Variants in CACNA1S observed in about 807,000 individuals in gnomAD.
CACNA1S encodes the protein voltage-dependent L-type calcium channel subunit alpha-1S.
CACNA1S carries 126 observed loss-of-function variants against 207.4 expected under a neutral mutation model. The ratio of observed to expected loss-of-function variants is 0.61; its 90% CI spans 0.53 to 0.70. The LOEUF (loss-of-function observed/expected upper bound fraction) is 0.70, where lower values mean the gene tolerates loss of function less well. Among genes scored for constraint, CACNA1S ranks in the 30% least tolerant of loss-of-function variants. The pLI is 0.00. For synonymous variants in CACNA1S, 960 were observed against 932.7 expected, an observed-to-expected ratio of 1.03 and a Z score of -0.53; for missense variants, 2,349 against 2,422.8, an observed-to-expected ratio of 0.97 and a Z score of 0.64.
At chr1:201,087,142 A>G (rs1466252664) in intron 7 of CACNA1S, among the ~76,000 whole-genome samples, 1 of 152,198 alleles carries the variant, frequency 6.6e-6, no homozygotes, top group African/African-American at 2.4e-5. Context: ...AACAGCTCTC[A>G]TTAATAATGA....
chr1:201,053,217 C>T lies in CACNA1S; in HGVS notation c.3853G>A (p.Gly1285Ser), dbSNP rs768535906. The T allele has an allele frequency of 9.9e-6, 16 of 1,614,238 alleles. No individual in the cohort carries two copies. Among genetic ancestry groups the T allele is most frequent in the South Asian group, 7.7e-5 (7 of 91,088 alleles). Residue 1285 changes from glycine (G) to serine (S), a missense_variant, in exon 31 of 44, where the codon GGC (glycine) becomes AGC (serine). Transcript: ENST00000362061. This position sits in a 1 kb window ranked among gnomAD's most constrained non-coding sequence, Gnocchi z 5.1. Reference protein sequence around the residue: ...VMLFFIYAVIGMQMFGKIALV... With the variant: ...VMLFFIYAVISMQMFGKIALV... ...GCCCGCCTGCCTCTCACCTGCATGC[C>T]GATGACAGCGTAGATGAAGAAGAGC...
intron 27 of CACNA1S, among the ~76,000 whole-genome samples, chr1:201,058,934 AGAGCAGGCGAGAAT>A (rs1660946082): frequency 6.6e-6 from 1 of 152,226 alleles, no homozygotes; most frequent in South Asian, 2.1e-4. Context: ...CAGAAACTTC[AGAGCAGGCGAGAAT>A]GTAAGAGAAG....
intron 28 of CACNA1S, among the ~76,000 whole-genome samples, chr1:201,055,755 G>T (rs913965013): frequency 6.6e-6 from 1 of 152,042 alleles, no homozygotes; most frequent in Non-Finnish European, 1.5e-5. Flanking sequence ...CAATCTTCAC[G>T]TGACTTTAAG....
At chr1:201,106,220 C>T (rs1349410562) in intron 2 of CACNA1S, among the ~76,000 whole-genome samples, 1 of 151,940 alleles carries the variant, frequency 6.6e-6, no homozygotes, top group Non-Finnish European at 1.5e-5. Context: ...TTCTTAAGGC[C>T]ACCTCACAGC....
At chr1:201,099,533 G>A (rs907316905) in intron 2 of CACNA1S, among the ~76,000 whole-genome samples, 7 of 152,230 alleles carry the variant, frequency 4.6e-5, no homozygotes, top group Non-Finnish European at 7.3e-5. Context: ...GGGACAGGGA[G>A]GCAATGGACT....
rs776790942 is a variant in CACNA1S, at chr1:201,087,901, G to C, written c.929C>G (p.Pro310Arg). Residue 310 changes from proline (P) to arginine (R), a missense_variant, in exon 7 of 44, where the codon CCC becomes CGC. Pro to Arg is a moderately radical substitution (Grantham distance 103, BLOSUM62 -2). Transcript: ENST00000362061. ...WVNDAIGNEW[P>R]WIYFVTLILL... Reference sequence around the variant, plus strand: ...AATGAGGGTGACAAAATAGATCCAGGGCCACTCATTCCCGATGGCATCATT... The same window carrying C: ...AATGAGGGTGACAAAATAGATCCAGCGCCACTCATTCCCGATGGCATCATT... The C allele has an allele frequency of 1.9e-6, 3 of 1,613,426 alleles. No homozygotes were observed. The highest frequency in any genetic ancestry group is 1.3e-5 in the African/African-American group (1 of 74,882).
At chr1:201,071,730 G>A (rs917175132) in intron 16 of CACNA1S, among the ~76,000 whole-genome samples, 1 of 152,120 alleles carries the variant, frequency 6.6e-6, no homozygotes, top group African/African-American at 2.4e-5. Flanking sequence ...CATCTAAGAG[G>A]TGATAACTGT....
At chr1:201,101,978 A>G (rs563864832) in intron 2 of CACNA1S, among the ~76,000 whole-genome samples, 149 of 152,218 alleles carry the variant, frequency 9.8e-4, no homozygotes, top group Admixed American at 3.2e-3. Context: ...CTCTGCCCCA[A>G]AGGGGCTTTC....
chr1:201,111,066 C>T (rs773030010), intron 1 of CACNA1S, among the ~76,000 whole-genome samples: 6 of 143,270 alleles, frequency 4.2e-5, no homozygotes, highest in Non-Finnish European at 7.4e-5. Context: ...AGGGGCAGGG[C>T]GCAGAGGAGC....
chr1:201,083,095 G>A, intron 10 of CACNA1S, 67 bp downstream of exon 10: 1 of 1,557,374 alleles, frequency 6.4e-7, no homozygotes, highest in East Asian at 2.2e-5. Context: ...TGGTGCCATT[G>A]GCTGATTTTG....
Position 201,073,558 on chromosome 1 carries a change from G to A in CACNA1S, c.2148C>T (p.Thr716=), listed in dbSNP as rs747075757. The A allele has an allele frequency of 4.0e-5, 65 of 1,613,556 alleles. No individual in the cohort carries two copies. Among genetic ancestry groups the A allele is most frequent in the Non-Finnish European group, 5.1e-5 (60 of 1,179,564 alleles). Residue 716 remains threonine, a synonymous_variant, in exon 15 of 44, where the codon ACC becomes ACT. Transcript: ENST00000362061. The part of the protein sequence containing the change: ...EQKPKGEGIP[T]TAKLKIDEFE... Reference sequence around the variant, plus strand: ...CACCTGAGGTGCTCACCTTGGCAGTGGTGGGGATGCCCTCACCCTTGGGTT... The same window carrying A: ...CACCTGAGGTGCTCACCTTGGCAGTAGTGGGGATGCCCTCACCCTTGGGTT...
intron 9 of CACNA1S, among the ~76,000 whole-genome samples, chr1:201,084,566 C>T (rs1661961778): frequency 6.6e-6 from 1 of 152,150 alleles, no homozygotes; most frequent in Admixed American, 6.5e-5. Flanking sequence ...CTGAGGGGCT[C>T]CCGGTTTGTG....
rs758439834 is a variant in CACNA1S, at chr1:201,050,484, G to A, written c.4146C>T (p.Asp1382=). 17 of 1,614,128 alleles carry A rather than the reference G, an allele frequency of 1.1e-5. No individual in the cohort carries two copies. Among genetic ancestry groups the A allele is most frequent in the Non-Finnish European group, 1.4e-5 (17 of 1,180,020 alleles). ...AGTCCCGGGTGAGGTAGTCAAAATT[G>A]TCCATGATGACAGCCACAAAGAGGT... ...VINLFVAVIM[D]NFDYLTRDWS... is the part of the protein sequence containing the mutation. Residue 1382 remains aspartate, a synonymous_variant, in exon 34 of 44, where the codon GAC becomes GAT. Transcript: ENST00000362061.
chr1:201,106,923 C>T (rs1019059184), intron 2 of CACNA1S, among the ~76,000 whole-genome samples: 2 of 152,202 alleles, frequency 1.3e-5, no homozygotes, highest in African/African-American at 4.8e-5. Flanking sequence ...TGGACTGCAG[C>T]AATGTCAGCC....
intron 2 of CACNA1S, among the ~76,000 whole-genome samples, chr1:201,107,774 C>T (rs1357213652): frequency 6.6e-6 from 1 of 152,150 alleles, no homozygotes; most frequent in Non-Finnish European, 1.5e-5. Flanking sequence ...ACAGTGAGGA[C>T]CCCTGAGCTC....
At chr1:201,108,920 C>T (rs892194336) in intron 2 of CACNA1S, among the ~76,000 whole-genome samples, 5 of 152,106 alleles carry the variant, frequency 3.3e-5, no homozygotes, top group African/African-American at 1.2e-4. Flanking sequence ...GTCTTTCTGC[C>T]GTCACCCATC....
rs147097001 is a variant in CACNA1S at position 201,105,942 on chromosome 1, G to T, written c.258+4222C>A. On this transcript the variant is annotated intron_variant, in intron 2 of 43. Transcript: ENST00000362061. ...TCCCCGCCCCTGCCCCACCCAGCCA[G>T]TTTGGCATGTGCCAAAGTGAGGAAA... Among the ~76,000 whole-genome samples the T allele has an allele frequency of 8.6e-3, 1,303 of 151,606 alleles. 23 individuals are homozygous for T. Among genetic ancestry groups the T allele is most frequent in the African/African-American group, 0.03 (1,249 of 41,366 alleles).
At position 201,103,930 on chromosome 1, in the gene CACNA1S, G is replaced by A. The variant is rs139172362; in HGVS notation, c.258+6234C>T. 1.1e-4 allele frequency among the ~76,000 whole-genome samples: 16 copies of A among 152,332 alleles called. No individual in the cohort carries two copies. The East Asian group carries it at 3.1e-3, about 29-fold the overall frequency. ...GGAGCCTGCTGATGCCTGAGGGGTG[G>A]GAAGCCACCCTGCAGCCCAGGAGGG... On this transcript the variant is annotated intron_variant, in intron 2 of 43. Coordinates refer to ENST00000362061, the MANE Select transcript of CACNA1S (RefSeq NM_000069.3).
At chr1:201,103,400 C>T (rs1662752673) in intron 2 of CACNA1S, among the ~76,000 whole-genome samples, 1 of 152,162 alleles carries the variant, frequency 6.6e-6, no homozygotes, top group Non-Finnish European at 1.5e-5. Flanking sequence ...CCCCAGGGAG[C>T]TAGCAAAGCT....
Sources: allele counts gnomAD v4.1 joint callset (sites outside exome capture counted in the v4.1 genomes callset), GRCh38; gene constraint gnomAD v4.1.1; non-coding constraint Gnocchi (gnomAD v3.1); transcripts MANE v1.5; gene names NCBI Gene and HGNC (gene_info 2026-07-23, HGNC 2026-07-21).